Variants in PLA2G4C observed in about 807,000 individuals in gnomAD.
The protein encoded by PLA2G4C is cytosolic phospholipase A2 gamma.
Under a neutral mutation model 73.8 loss-of-function variants are expected in PLA2G4C, and 64 were observed. The ratio of observed to expected loss-of-function variants is 0.87; its 90% CI spans 0.71 to 1.07. The LOEUF is 1.07. PLA2G4C is among the 50% of genes least tolerant of loss of function. The pLI, the probability that PLA2G4C is intolerant of heterozygous loss-of-function variation, is 0.00. For synonymous variants in PLA2G4C, 254 were observed against 252.1 expected (o/e 1.01, Z -0.07); for missense variants, 622 against 665.4 (o/e 0.93, Z 0.72).
In PLA2G4C at chr19:48,085,042, G is replaced by A; in HGVS notation, c.844+17C>T. ...AATATCTCTAGGCTTTGACCTTTCT[G>A]TTCCCCAAATACTCACCAAAAATAA... is the stretch of plus-strand genomic sequence containing the variant. On this transcript the variant is annotated intron_variant, in intron 10 of 16. Coordinates refer to ENST00000599921, the MANE Select transcript of PLA2G4C (RefSeq NM_003706.3). The A allele has an allele frequency of 6.3e-7, 1 of 1,588,164 alleles. No homozygotes were observed. The highest frequency in any genetic ancestry group is 1.3e-5 in the African/African-American group (1 of 74,526).
rs1568457458 is a variant in PLA2G4C at position 48,105,924 on chromosome 19, TCCCTCCCTCCCTCCCTCCC to T, written c.9-499_9-481del. On this transcript the variant is annotated intron_variant, in intron 2 of 16. Transcript: ENST00000599921. ...CTCCCTCCCTCCCTCCCTCCCTCCC[TCCCTCCCTCCCTCCCTCCC>T]TCCCTTCTTTCTTTCTTTCTTTCTT... Among the ~76,000 whole-genome samples, 123 of 22,204 alleles carry T rather than the reference TCCCTCCCTCCCTCCCTCCC, an allele frequency of 5.5e-3. 20 individuals are homozygous for T. Among genetic ancestry groups the T allele is most frequent in the African/African-American group, 0.035 (102 of 2,950 alleles). 14.6% of individuals were successfully genotyped at this position (22,204 alleles called of 152,430 possible).
rs190262754 is a variant in PLA2G4C, at chr19:48,067,328, C to T, written c.1102+463G>A. Among the ~76,000 whole-genome samples the T allele has an allele frequency of 5.9e-5, 9 of 152,038 alleles. No homozygotes were observed. The East Asian group carries it at 7.8e-4, about 13-fold the overall frequency. Reference sequence around the variant, plus strand: ...GACTACAGGCACCCGCCACCCTGTCCGGCTAATTTTTGTATTTTTAGTAGG... The same window carrying T: ...GACTACAGGCACCCGCCACCCTGTCTGGCTAATTTTTGTATTTTTAGTAGG... On this transcript the variant is annotated intron_variant, in intron 13 of 16. Coordinates refer to ENST00000599921, the MANE Select transcript of PLA2G4C (RefSeq NM_003706.3).
intron 14 of PLA2G4C, among the ~76,000 whole-genome samples, chr19:48,056,832 C>CAAAAAAAAA (rs34317694): frequency 3.6e-5 from 3 of 83,758 alleles, no homozygotes; most frequent in South Asian, 5.1e-4. Flanking sequence ...GACTCTGTCT[C>CAAAAAAAAA]AAAAAAAAAA....
chr19:48,106,261 A>ATT (rs2032232312), intron 2 of PLA2G4C, among the ~76,000 whole-genome samples: 1 of 151,006 alleles, frequency 6.6e-6, no homozygotes, highest in Non-Finnish European at 1.5e-5. Flanking sequence ...TTTTAAAAAT[A>ATT]TTTTCTTTTA....
chr19:48,071,870 G>T (rs183967396), intron 12 of PLA2G4C, among the ~76,000 whole-genome samples: 2 of 151,956 alleles, frequency 1.3e-5, no homozygotes, highest in African/African-American at 4.8e-5. Flanking sequence ...AGAATTGGCC[G>T]GGCACAGTGG....
chr19:48,070,339 G>C (rs2386975), intron 12 of PLA2G4C, among the ~76,000 whole-genome samples: 39,964 of 152,100 alleles, frequency 0.26, 5,591 homozygotes, highest in East Asian at 0.52. Context: ...AGTAATGTGG[G>C]TGGGTCTCAT....
chr19:48,083,596 T>C (rs7254510), intron 10 of PLA2G4C, among the ~76,000 whole-genome samples: 41,676 of 150,824 alleles, frequency 0.28, 6,025 homozygotes, highest in East Asian at 0.53. Context: ...TACAGGCATG[T>C]ACCACCACGC....
chr19:48,108,144 G>A (rs748945766), intron 1 of PLA2G4C, among the ~76,000 whole-genome samples: 20 of 151,986 alleles, frequency 1.3e-4, no homozygotes, highest in Admixed American at 2.6e-4. Flanking sequence ...TCTCGTCTCC[G>A]CACATGGGGA....
chr19:48,071,023 G>A (rs1355812637), intron 12 of PLA2G4C, among the ~76,000 whole-genome samples: 1 of 152,188 alleles, frequency 6.6e-6, no homozygotes, highest in Non-Finnish European at 1.5e-5. Flanking sequence ...TAGTTAGATA[G>A]ATAGAGATAG....
chr19:48,107,134 C>T (rs1010685586), intron 1 of PLA2G4C, among the ~76,000 whole-genome samples: 1 of 152,008 alleles, frequency 6.6e-6, no homozygotes, highest in Middle Eastern at 3.2e-3. Context: ...CACGAGCCAC[C>T]GCGTCCGACC....
At chr19:48,081,477 G>T (rs973198696) in intron 10 of PLA2G4C, among the ~76,000 whole-genome samples, 2 of 152,146 alleles carry the variant, frequency 1.3e-5, no homozygotes, top group African/African-American at 2.4e-5. Context: ...ACACATTGGG[G>T]CCAGGAGTGG....
chr19:48,104,462 C>T, intron 4 of PLA2G4C, 126 bp downstream of exon 4: 1 of 860,356 alleles, frequency 1.2e-6, no homozygotes, highest in Non-Finnish European at 1.9e-6. Flanking sequence ...AATTGTAGGA[C>T]ACCCAGCTAG....
At chr19:48,075,819 T>C (rs1198690335) in intron 11 of PLA2G4C, among the ~76,000 whole-genome samples, 10 of 151,894 alleles carry the variant, frequency 6.6e-5, no homozygotes, top group African/African-American at 2.4e-4. Flanking sequence ...GTTGTCGCTC[T>C]GTCACCAGGC....
rs747368924 is a variant in PLA2G4C, at chr19:48,090,420, G to A, written c.710-3C>T. The stretch of plus-strand genomic sequence containing the variant: ...ACCAAGAGCACTTCCCCATAAACCT[G>A]CCAAGAAAAGAGCAATAAAATTCAA... On this transcript the variant is annotated splice_region_variant and splice_polypyrimidine_tract_variant and intron_variant, in intron 7 of 16. Coordinates refer to ENST00000599921, the MANE Select transcript of PLA2G4C (RefSeq NM_003706.3). 6 of 1,607,820 alleles carry A rather than the reference G, an allele frequency of 3.7e-6. No individual in the cohort carries two copies. Among genetic ancestry groups the A allele is most frequent in the Non-Finnish European group, 5.1e-6 (6 of 1,174,484 alleles).
At chr19:48,077,845 G>T in intron 10 of PLA2G4C, 21 bp from the exon 11 acceptor site, 1 of 1,598,212 alleles carries the variant, frequency 6.3e-7, no homozygotes, top group South Asian at 1.1e-5. Flanking sequence ...GCAGAGGCAG[G>T]GGGAATGTTT....
Position 48,073,506 on chromosome 19 carries a change from A to C in PLA2G4C, c.1006+1261T>G, listed in dbSNP as rs146727631. ...CCTACCCCCAGCCTGCTAGTAGGAG[A>C]GTTATTATTTCATGCTAATGACTCA... On this transcript the variant is annotated intron_variant, in intron 12 of 16. Transcript: ENST00000599921. Among the ~76,000 whole-genome samples the C allele has an allele frequency of 1.2e-4, 18 of 151,718 alleles. No individual in the cohort carries two copies. The East Asian group carries it at 3.3e-3, about 28-fold the overall frequency.
chr19:48,092,663 C>T (rs1220958112), intron 7 of PLA2G4C, among the ~76,000 whole-genome samples: 1 of 152,178 alleles, frequency 6.6e-6, no homozygotes, highest in East Asian at 1.9e-4. Flanking sequence ...CACAAAAAGA[C>T]AAGCACTGCA....
chr19:48,109,973 A>G (rs114540352), intron 1 of PLA2G4C, among the ~76,000 whole-genome samples: 1 of 147,558 alleles, frequency 6.8e-6, no homozygotes, highest in African/African-American at 2.5e-5. Flanking sequence ...AGGAGAGATT[A>G]GGGCCTCTGC....
rs1477542703 is a variant in PLA2G4C at position 48,110,775 on chromosome 19, C to T, written c.-321G>A. 1 of 400,850 alleles carries T rather than the reference C, an allele frequency of 2.5e-6. No homozygotes were observed. The highest frequency in any genetic ancestry group is 4.4e-6 in the Non-Finnish European group (1 of 226,116). The allele number at this position is 400,850 out of a possible 1,614,324, so 24.8% of individuals were successfully genotyped here. A position where few individuals can be genotyped will look rare whatever the true frequency, so the allele number is the denominator to read the frequency against. Reference sequence around the variant, plus strand: ...GCCCCTGCGCCTTTAAACAGCCCTCCTCGGCTTGTAGGCCCTGCTTGGTTG... The same window carrying T: ...GCCCCTGCGCCTTTAAACAGCCCTCTTCGGCTTGTAGGCCCTGCTTGGTTG... On this transcript the variant is annotated 5_prime_UTR_variant, in exon 1 of 17. Transcript: ENST00000599921.
Sources: gnomAD v4.1 joint callset for allele counts (sites outside exome capture counted in the v4.1 genomes callset) on GRCh38, gnomAD v4.1.1 for gene constraint, MANE v1.5 for transcripts, NCBI Gene and HGNC (gene_info 2026-07-23, HGNC 2026-07-21) for gene names.